PHEX: variants seen among roughly 807,000 people sequenced by gnomAD.
PHEX encodes the protein phosphate regulating endopeptidase X-linked, also known as phosphate-regulating neutral endopeptidase PHEX.
A neutral mutation model predicts 68.0 loss-of-function variants in PHEX; 16 were observed. The observed-to-expected ratio is 0.24, with a 90% CI of 0.16 to 0.36. The LOEUF is 0.36. Among genes scored for constraint, PHEX ranks in the 10% least tolerant of loss-of-function variants. The pLI, the probability that PHEX is intolerant of heterozygous loss-of-function variation, is 1.00. For synonymous variants in PHEX, 208 were observed against 205.1 expected, an observed-to-expected ratio of 1.01 and a Z score of -0.12; for missense variants, 480 against 575.5, an observed-to-expected ratio of 0.83 and a Z score of 1.70.
intron 20 of PHEX, among the ~76,000 whole-genome samples, chrX:22,230,229 C>CTTTTTTTTTTTTTTTTTTTTTTTTTTTT (rs140475343): frequency 9.2e-5 from 1 of 10,919 alleles, no homozygotes; most frequent in African/African-American, 2.9e-4. Flanking sequence ...TATATGGGCT[C>CTTTTTTTTTTTTTTTTTTTTTTTTTTTT]TTTTTTTTTT....
chrX:22,146,744 G>A (rs1420561724), intron 12 of PHEX, among the ~76,000 whole-genome samples: 1 of 111,109 alleles, frequency 9.0e-6, no homozygotes, highest in Non-Finnish European at 1.9e-5. Flanking sequence ...TTGAACCCAG[G>A]AGGCAGAGGT....
chrX:22,090,305 G>C lies in PHEX; in HGVS notation c.664-124G>C, dbSNP rs12013780. ...CATGTAATTCTGAGTGTACTGAATT[G>C]TTTTTGTAATGGTGACATGAGCTCA... On this transcript the variant is annotated intron_variant, in intron 5 of 21. Coordinates refer to ENST00000379374, the MANE Select transcript of PHEX (RefSeq NM_000444.6). 24,754 of 553,860 alleles carry C rather than the reference G, an allele frequency of 0.045. 1,075 individuals are homozygous for C. Among genetic ancestry groups the C allele is most frequent in the African/African-American group, 0.23 (10,156 of 44,414 alleles). The allele number at this position is 553,860 out of a possible 1,213,427, so 45.6% of individuals were successfully genotyped here.
At chrX:22,055,212 A>AAAAAAAAAAAAC (rs1928040838) in intron 3 of PHEX, among the ~76,000 whole-genome samples, 1 of 78,959 alleles carries the variant, frequency 1.3e-5, no homozygotes, top group African/African-American at 4.9e-5. Context: ...AAAAAAAAAA[A>AAAAAAAAAAAAC]AAACAGACCT....
intron 12 of PHEX, among the ~76,000 whole-genome samples, chrX:22,156,242 T>C (rs1252345343): frequency 1.0e-4 from 11 of 110,366 alleles, no homozygotes; most frequent in Non-Finnish European, 2.1e-4. Flanking sequence ...GAGAAATATA[T>C]GAGGGGACCT....
At chrX:22,247,807 G>A (rs1006058817) in intron 21 of PHEX, 44 bp from the exon 22 acceptor site, 3 of 911,584 alleles carry the variant, frequency 3.3e-6, no homozygotes, top group Middle Eastern at 2.6e-4. Context: ...ACCTGTTGAT[G>A]TGCAAGAATT....
intron 18 of PHEX, among the ~76,000 whole-genome samples, chrX:22,226,082 G>GTGAGT (rs1935484769): frequency 1.8e-5 from 2 of 112,194 alleles, no homozygotes. Flanking sequence ...CTCAAATTAT[G>GTGAGT]TGAGTTAATC....
chrX:22,166,738 C>G (rs1418452081), intron 12 of PHEX, among the ~76,000 whole-genome samples: 1 of 111,128 alleles, frequency 9.0e-6, no homozygotes, highest in Non-Finnish European at 1.9e-5. Context: ...ACTTATTCCT[C>G]TTATCTAACT....
chrX:22,123,045 A>G, intron 11 of PHEX, among the ~76,000 whole-genome samples: 1 of 94,509 alleles, frequency 1.1e-5, no homozygotes, highest in Non-Finnish European at 2.0e-5. Flanking sequence ...GCTGGAGTGC[A>G]GTGGTGCGAT....
chrX:22,238,819 C>T (rs1283059706), intron 20 of PHEX, among the ~76,000 whole-genome samples: 1 of 111,899 alleles, frequency 8.9e-6, no homozygotes, highest in East Asian at 2.8e-4. Flanking sequence ...GCTGTGGGCA[C>T]AGCTTCAGCA....
chrX:22,123,625 G>A (rs1250324018), intron 11 of PHEX, among the ~76,000 whole-genome samples: 1 of 110,452 alleles, frequency 9.1e-6, no homozygotes, highest in African/African-American at 3.3e-5. Context: ...ATCATAGAGT[G>A]AGGGAGGTGC....
chrX:22,104,138 G>C (rs1344083860), intron 9 of PHEX, among the ~76,000 whole-genome samples: 1 of 111,667 alleles, frequency 9.0e-6, no homozygotes. Flanking sequence ...CCCACTTTTT[G>C]ATGGGATTGT....
intron 15 of PHEX, among the ~76,000 whole-genome samples, chrX:22,193,316 T>C (rs1934263295): frequency 9.0e-6 from 1 of 111,488 alleles, no homozygotes; most frequent in African/African-American, 3.3e-5. Context: ...ACATATAAGT[T>C]ATAAAGAATA....
intron 3 of PHEX, among the ~76,000 whole-genome samples, chrX:22,056,205 G>A (rs4824220): frequency 0.16 from 17,818 of 111,530 alleles, 1,078 homozygotes; most frequent in Admixed American, 0.2. Context: ...GCTTTCAATC[G>A]TAAGTAACAG....
At chrX:22,105,423 T>C (rs1930639205) in intron 9 of PHEX, among the ~76,000 whole-genome samples, 2 of 112,109 alleles carry the variant, frequency 1.8e-5, no homozygotes, top group Non-Finnish European at 3.8e-5. Context: ...AGATTCTGAT[T>C]CAGCAGGTCT....
chrX:22,211,398 G>A (rs189608405), intron 15 of PHEX, among the ~76,000 whole-genome samples: 337 of 111,936 alleles, frequency 3.0e-3, no homozygotes, highest in Middle Eastern at 9.2e-3. Context: ...AATTAAAGAC[G>A]TAAGTCATTA....
intron 3 of PHEX, among the ~76,000 whole-genome samples, chrX:22,071,167 A>G (rs777939919): frequency 6.2e-4 from 69 of 111,534 alleles, no homozygotes; most frequent in Non-Finnish European, 1.1e-3. Flanking sequence ...TCCGAGCAGA[A>G]CTAAGTATTT....
At chrX:22,049,198 T>G (rs1379088754) in intron 3 of PHEX, among the ~76,000 whole-genome samples, 1 of 111,652 alleles carries the variant, frequency 9.0e-6, no homozygotes, top group Non-Finnish European at 1.9e-5. Flanking sequence ...AACCTCCGCC[T>G]CCTGGGTTCA....
intron 1 of PHEX, among the ~76,000 whole-genome samples, chrX:22,035,823 T>A (rs967653770): frequency 1.8e-5 from 2 of 109,974 alleles, no homozygotes; most frequent in Non-Finnish European, 3.8e-5. Flanking sequence ...AAGTAACATC[T>A]TAATTTTTAT....
Position 22,210,963 on chromosome X carries a change from GA to G in PHEX, c.1646-1939del, listed in dbSNP as rs374469800. Among the ~76,000 whole-genome samples the G allele has an allele frequency of 7.1e-3, 789 of 111,210 alleles. 9 individuals are homozygous for G. The highest frequency in any genetic ancestry group is 0.024 in the African/African-American group (742 of 30,615). ...GGAGAGAGAGAAAAAAAAAAGTTAA[GA>G]AGAGGGAGGAAGAACATTTTGACTT... On this transcript the variant is annotated intron_variant, in intron 15 of 21. Transcript: ENST00000379374.
Sources: allele counts gnomAD v4.1 joint callset (sites outside exome capture counted in the v4.1 genomes callset), GRCh38; gene constraint gnomAD v4.1.1; transcripts MANE v1.5; gene names NCBI Gene and HGNC (gene_info 2026-07-23, HGNC 2026-07-21).